The following AHDC1 variants were observed in gnomAD, a reference collection of about 807,000 sequenced individuals.
The protein encoded by AHDC1 is AT-hook DNA binding motif containing 1, also known as transcription factor Gibbin.
Under a neutral mutation model 87.9 loss-of-function variants are expected in AHDC1, and 7 were observed. The observed-to-expected ratio is 0.08, with a 90% CI of 0.05 to 0.15. AHDC1 has a LOEUF of 0.15. AHDC1 is among the 10% of genes least tolerant of loss of function. The pLI is 1.00. For synonymous variants in AHDC1, 1,051 were observed against 1,006.8 expected, an observed-to-expected ratio of 1.04 and a Z score of -0.83; for missense variants, 1,841 against 2,253.2, an observed-to-expected ratio of 0.82 and a Z score of 3.70.
At chr1:27,576,377 G>T (rs1266386722) in intron 3 of AHDC1, among the ~76,000 whole-genome samples, 1 of 152,176 alleles carries the variant, frequency 6.6e-6, no homozygotes, top group African/African-American at 2.4e-5. Context: ...CCGGACATCT[G>T]AACAATGCGT....
chr1:27,602,696 C>T lies in AHDC1; in HGVS notation c.-629+701G>A, dbSNP rs147491003. Among the ~76,000 whole-genome samples the T allele has an allele frequency of 9.8e-5, 15 of 152,308 alleles. 1 individual carries two copies. The East Asian group carries it at 2.5e-3, about 26-fold the overall frequency. On this transcript the variant is annotated intron_variant, in intron 3 of 8. Coordinates refer to ENST00000673934, the MANE Select transcript of AHDC1 (RefSeq NM_001371928.1). ...GATTCAATCAGAGCCCCAGAGGAAACGCATTGATAGGCGATTATTTATTTA... is the reference window on the plus strand; with the variant it reads ...GATTCAATCAGAGCCCCAGAGGAAATGCATTGATAGGCGATTATTTATTTA...
intron 3 of AHDC1, among the ~76,000 whole-genome samples, chr1:27,582,719 G>A (rs752912742): frequency 6.6e-6 from 1 of 152,236 alleles, no homozygotes; most frequent in Non-Finnish European, 1.5e-5. Flanking sequence ...TGCATGGCAG[G>A]CACTGTGCTA....
At chr1:27,569,541 C>T (rs566204752) in intron 3 of AHDC1, among the ~76,000 whole-genome samples, 1 of 152,256 alleles carries the variant, frequency 6.6e-6, no homozygotes, top group African/African-American at 2.4e-5. Flanking sequence ...AATTCTCCAC[C>T]CCAAACATAC....
intron 3 of AHDC1, among the ~76,000 whole-genome samples, chr1:27,597,798 T>C (rs1472733057): frequency 6.6e-6 from 1 of 151,862 alleles, no homozygotes; most frequent in African/African-American, 2.4e-5. Flanking sequence ...TCTGTCTGGG[T>C]TTCCCCCTTT....
Position 27,593,417 on chromosome 1 carries a change from C to T in AHDC1, c.-629+9980G>A, listed in dbSNP as rs987551436. 2.6e-5 allele frequency among the ~76,000 whole-genome samples: 4 copies of T among 152,246 alleles called. No homozygotes were observed. The highest frequency in any genetic ancestry group is 6.5e-5 in the Admixed American group (1 of 15,294). On this transcript the variant is annotated intron_variant, in intron 3 of 8. Coordinates refer to ENST00000673934, the MANE Select transcript of AHDC1 (RefSeq NM_001371928.1). This position sits in a 1 kb window ranked among gnomAD's most constrained non-coding sequence, Gnocchi z 4.9. Reference sequence around the variant, plus strand: ...CCCACTGCTGCCGCCACCACTACCCCCAGGCAGGCTGGGACCCAGGTCCCT... The same window carrying T: ...CCCACTGCTGCCGCCACCACTACCCTCAGGCAGGCTGGGACCCAGGTCCCT...
chr1:27,569,529 G>A (rs2020476912), intron 3 of AHDC1, among the ~76,000 whole-genome samples: 1 of 152,136 alleles, frequency 6.6e-6, no homozygotes, highest in Admixed American at 6.5e-5. Flanking sequence ...GAGTTGAGGT[G>A]TAATTCTCCA....
intron 3 of AHDC1, among the ~76,000 whole-genome samples, chr1:27,597,592 G>A (rs934692242): frequency 3.9e-5 from 6 of 152,176 alleles, no homozygotes; most frequent in Middle Eastern, 3.4e-3. Flanking sequence ...GGCTCTGGGC[G>A]GCTTCTCTCT....
chr1:27,555,120 C>G (rs557654698), intron 5 of AHDC1, among the ~76,000 whole-genome samples: 256 of 152,314 alleles, frequency 1.7e-3, no homozygotes, highest in Middle Eastern at 3.4e-3. Flanking sequence ...TGGGAGGAAC[C>G]TTAAAATTAT....
intron 3 of AHDC1, among the ~76,000 whole-genome samples, chr1:27,569,777 T>G (rs1298476670): frequency 6.6e-6 from 1 of 151,996 alleles, no homozygotes. Context: ...GCCATATTGG[T>G]TGGGGCGCCT....
At chr1:27,559,285 G>C (rs921363851) in intron 3 of AHDC1, among the ~76,000 whole-genome samples, 1 of 151,928 alleles carries the variant, frequency 6.6e-6, no homozygotes, top group African/African-American at 2.4e-5. Context: ...CGAACTCCTG[G>C]GCTCAAGCAA....
chr1:27,584,109 T>TTATAC (rs1375229827), intron 3 of AHDC1, among the ~76,000 whole-genome samples: 4 of 152,210 alleles, frequency 2.6e-5, no homozygotes, highest in African/African-American at 9.7e-5. Flanking sequence ...AGAACTAGTA[T>TTATAC]TATACTCATT....
Position 27,547,583 on chromosome 1 carries a change from C to T in AHDC1, c.4533G>A (p.Thr1511=), listed in dbSNP as rs139569820. 1.1e-4 allele frequency: 183 copies of T among 1,608,374 alleles called. No homozygotes were observed. The African/African-American group carries it at 2.2e-3, about 19-fold the overall frequency. The change falls in exon 8 of 9, where the codon ACG becomes ACA. Residue 1511 remains threonine, a synonymous_variant. Coordinates refer to ENST00000673934, the MANE Select transcript of AHDC1 (RefSeq NM_001371928.1). This position sits in a 1 kb window ranked among gnomAD's most constrained non-coding sequence, Gnocchi z 4.9. The part of the protein sequence containing the change: ...SAPHLASPPA[T]PKADKEPLEM... The stretch of plus-strand genomic sequence containing the variant: ...CCAGTGGCTCCTTGTCGGCCTTGGG[C>T]GTGGCTGGTGGGCTAGCCAGGTGAG...
chr1:27,600,017 G>C (rs2089486908), intron 3 of AHDC1, among the ~76,000 whole-genome samples: 1 of 151,988 alleles, frequency 6.6e-6, no homozygotes. Flanking sequence ...TCTGGCTCCA[G>C]GGAGGGGAGT....
At chr1:27,583,249 C>G (rs970898732) in intron 3 of AHDC1, among the ~76,000 whole-genome samples, 1 of 152,206 alleles carries the variant, frequency 6.6e-6, no homozygotes. Flanking sequence ...CCCTCCCAAT[C>G]CTCATCCTGA....
intron 5 of AHDC1, among the ~76,000 whole-genome samples, chr1:27,556,528 T>C (rs1359916609): frequency 6.6e-6 from 1 of 152,074 alleles, no homozygotes; most frequent in Admixed American, 6.5e-5. Flanking sequence ...GCCGCCTACC[T>C]GCCCACACAG....
intron 3 of AHDC1, among the ~76,000 whole-genome samples, chr1:27,587,655 T>TGGGCCCCAGCAGCTGGCAC (rs1247721444): frequency 5.9e-5 from 9 of 152,290 alleles, no homozygotes; most frequent in Admixed American, 5.9e-4. Flanking sequence ...GAAAAGAGTC[T>TGGGCCCCAGCAGCTGGCAC]GGGCCCCAGC....
At chr1:27,579,952 G>T (rs1380384819) in intron 3 of AHDC1, among the ~76,000 whole-genome samples, 1 of 152,122 alleles carries the variant, frequency 6.6e-6, no homozygotes. Context: ...AGTGCTGCCC[G>T]CCAGGATCTA....
chr1:27,557,524 C>A (rs2019880883), intron 5 of AHDC1, among the ~76,000 whole-genome samples: 1 of 152,138 alleles, frequency 6.6e-6, no homozygotes, highest in South Asian at 2.1e-4. Context: ...ACTGCTGAGC[C>A]CAGCTCAGCT....
At chr1:27,570,690 T>A (rs1311268719) in intron 3 of AHDC1, among the ~76,000 whole-genome samples, 1 of 152,182 alleles carries the variant, frequency 6.6e-6, no homozygotes, top group Non-Finnish European at 1.5e-5. Flanking sequence ...TGTACCTGTG[T>A]CACAGGCATG....
Sources: gnomAD v4.1 joint callset for allele counts (sites outside exome capture counted in the v4.1 genomes callset) on GRCh38, gnomAD v4.1.1 for gene constraint, Gnocchi (gnomAD v3.1) non-coding constraint, MANE v1.5 for transcripts, NCBI Gene and HGNC (gene_info 2026-07-23, HGNC 2026-07-21) for gene names.